Variants in CSMD2 observed in about 807,000 individuals in gnomAD.
CSMD2 encodes the protein CUB and sushi domain-containing protein 2.
CSMD2 carries 130 observed loss-of-function variants against 398.5 expected under a neutral mutation model. That is an observed-to-expected ratio of 0.33 (90% confidence interval 0.28 to 0.38). CSMD2 has a LOEUF of 0.38. Ranked by LOEUF, CSMD2 falls within the 10% of genes least tolerant of loss-of-function variation. The probability of loss-of-function intolerance (pLI) is 1.00; values close to 1 mark genes in which losing one functional copy is unlikely to be tolerated. For synonymous variants in CSMD2, 1,828 were observed against 1,908.5 expected, an observed-to-expected ratio of 0.96 and a Z score of 1.10; for missense variants, 3,829 against 4,764.9, an observed-to-expected ratio of 0.80 and a Z score of 5.78.
Position 33,516,378 on chromosome 1 carries a change from T to A in CSMD2, c.*246A>T, listed in dbSNP as rs1407431426. Reference sequence around the variant, plus strand: ...TGCTATTTTAAATCCATAAACTTTCTTCCTCTGTCTGCAGCCCCTCTTCCT... The same window carrying A: ...TGCTATTTTAAATCCATAAACTTTCATCCTCTGTCTGCAGCCCCTCTTCCT... On this transcript the variant is annotated 3_prime_UTR_variant, in exon 71 of 71. Coordinates refer to ENST00000373381, the MANE Select transcript of CSMD2 (RefSeq NM_001281956.2). 6.6e-6 allele frequency: 1 copy of A among 151,994 alleles called. No homozygotes were observed. The highest frequency in any genetic ancestry group is 6.6e-5 in the Admixed American group (1 of 15,252). The allele number at this position is 151,994 out of a possible 1,614,324, so 9.4% of individuals were successfully genotyped here.
At chr1:34,005,333 A>G (rs962080467) in intron 3 of CSMD2, among the ~76,000 whole-genome samples, 9 of 152,230 alleles carry the variant, frequency 5.9e-5, no homozygotes, top group African/African-American at 1.9e-4. Context: ...GACAGTGCTT[A>G]GGCTATGGGA....
At chr1:33,601,051 C>T in intron 43 of CSMD2, 41 bp from the exon 44 acceptor site, 5 of 1,611,610 alleles carry the variant, frequency 3.1e-6, no homozygotes, top group Non-Finnish European at 4.2e-6. Flanking sequence ...CACTAGTCAC[C>T]ATGGCTGCCT....
At chr1:33,707,968 A>G (rs181986357) in intron 22 of CSMD2, among the ~76,000 whole-genome samples, 1 of 152,304 alleles carries the variant, frequency 6.6e-6, no homozygotes, top group African/African-American at 2.4e-5. Flanking sequence ...AAAGCTAAAA[A>G]AATTCCTTGG....
intron 25 of CSMD2, among the ~76,000 whole-genome samples, chr1:33,675,811 A>G (rs1298588057): frequency 6.6e-6 from 1 of 152,248 alleles, no homozygotes; most frequent in Non-Finnish European, 1.5e-5. Context: ...AACATACGCA[A>G]ATCAATAAAC....
At chr1:33,819,984 C>A in intron 8 of CSMD2, 147 bp from the exon 9 acceptor site, 1 of 1,011,946 alleles carries the variant, frequency 9.9e-7, no homozygotes, top group Non-Finnish European at 1.4e-6. Context: ...CTAAAAATCT[C>A]CATTGGAAGG....
intron 13 of CSMD2, among the ~76,000 whole-genome samples, chr1:33,755,959 G>GA (rs1648953842): frequency 6.6e-6 from 1 of 152,070 alleles, no homozygotes. Flanking sequence ...TGGACAGGTA[G>GA]AACTTGAGCA....
At chr1:33,541,773 C>T (rs1255557228) in intron 58 of CSMD2, among the ~76,000 whole-genome samples, 2 of 152,216 alleles carry the variant, frequency 1.3e-5, no homozygotes, top group Non-Finnish European at 2.9e-5. Context: ...ATCCAGAGGG[C>T]TCAGTTCCTA....
intron 2 of CSMD2, among the ~76,000 whole-genome samples, chr1:34,047,839 C>A (rs1380575828): frequency 6.6e-6 from 1 of 152,182 alleles, no homozygotes; most frequent in Non-Finnish European, 1.5e-5. Flanking sequence ...ACCCACTTTA[C>A]GTGTAATTTA....
At chr1:33,539,143 T>G (rs1315524527) in intron 60 of CSMD2, among the ~76,000 whole-genome samples, 1 of 152,162 alleles carries the variant, frequency 6.6e-6, no homozygotes, top group East Asian at 1.9e-4. Flanking sequence ...AATTTTTGTA[T>G]TTTTATTACA....
At chr1:33,604,817 G>A (rs1640476381) in intron 42 of CSMD2, among the ~76,000 whole-genome samples, 1 of 151,966 alleles carries the variant, frequency 6.6e-6, no homozygotes, top group Non-Finnish European at 1.5e-5. Flanking sequence ...CTGTGTAGAA[G>A]GAGAGTATAA....
chr1:33,709,254 C>A lies in CSMD2; in HGVS notation c.3411G>T (p.Glu1137Asp). 4 of 1,612,840 alleles carry A rather than the reference C, an allele frequency of 2.5e-6. No homozygotes were observed. The African/African-American group carries it at 4.0e-5, about 16-fold the overall frequency. Residue 1137 changes from glutamate (E) to aspartate (D), a missense_variant, in exon 22 of 71, where the codon GAG (glutamate) becomes GAT (aspartate). Coordinates refer to ENST00000373381, the MANE Select transcript of CSMD2 (RefSeq NM_001281956.2). ...WSSPLPRCVA[E>D]CGNSVTGTQG... Reference sequence around the variant, plus strand: ...GAGTGCCTGTGACTGAATTCCCACACTCAGCTGGAAAGAGAATCACAATAA... The same window carrying A: ...GAGTGCCTGTGACTGAATTCCCACAATCAGCTGGAAAGAGAATCACAATAA...
chr1:33,583,344 T>C (rs1223136041), intron 47 of CSMD2, among the ~76,000 whole-genome samples: 1 of 151,956 alleles, frequency 6.6e-6, no homozygotes, highest in Non-Finnish European at 1.5e-5. Context: ...AAGCACACTC[T>C]TCACTTGGGA....
chr1:33,905,551 G>C (rs1273191258), intron 5 of CSMD2, among the ~76,000 whole-genome samples: 2 of 152,208 alleles, frequency 1.3e-5, no homozygotes, highest in African/African-American at 4.8e-5. Context: ...AACTGAGAAA[G>C]AACTGTCTCA....
chr1:34,004,462 T>A (rs1170914286), intron 3 of CSMD2, among the ~76,000 whole-genome samples: 1 of 152,160 alleles, frequency 6.6e-6, no homozygotes, highest in Non-Finnish European at 1.5e-5. Flanking sequence ...TCAAGGTTTT[T>A]TTTTGTTTGT....
chr1:33,862,943 C>T (rs916092913), intron 5 of CSMD2: 2 of 152,328 alleles, frequency 1.3e-5, no homozygotes, highest in South Asian at 2.1e-4. Context: ...AGGCAAGTTT[C>T]CTTGTCCGGC....
intron 3 of CSMD2, among the ~76,000 whole-genome samples, chr1:33,968,397 G>A (rs572257719): frequency 8.3e-4 from 126 of 152,310 alleles, no homozygotes; most frequent in African/African-American, 2.8e-3. Context: ...TTTGGTATGA[G>A]TGAGGCCTGT....
intron 37 of CSMD2, among the ~76,000 whole-genome samples, chr1:33,621,392 C>A (rs1570973583): frequency 1.3e-5 from 2 of 152,292 alleles, no homozygotes; most frequent in African/African-American, 2.4e-5. Context: ...CATGAGAGCA[C>A]CTGTAATGCT....
chr1:33,895,954 C>G (rs544093197), intron 5 of CSMD2, among the ~76,000 whole-genome samples: 1 of 152,122 alleles, frequency 6.6e-6, no homozygotes, highest in African/African-American at 2.4e-5. Context: ...GATGAGATAC[C>G]GTCATCTCCT....
intron 13 of CSMD2, 122 bp downstream of exon 13, chr1:33,772,447 C>A (rs139433010): frequency 0.015 from 11,788 of 811,192 alleles, 112 homozygotes; most frequent in Non-Finnish European, 0.018. Context: ...AATAAACCAA[C>A]CAGAGTGCAG....
Sources: gnomAD v4.1 joint callset for allele counts (sites outside exome capture counted in the v4.1 genomes callset) on GRCh38, gnomAD v4.1.1 for gene constraint, MANE v1.5 for transcripts, NCBI Gene and HGNC (gene_info 2026-07-23, HGNC 2026-07-21) for gene names.